Variants in EPHA2 observed in about 807,000 individuals in gnomAD.
EPHA2 encodes ephrin type-A receptor 2.
EPHA2 carries 54 observed loss-of-function variants against 104.9 expected under a neutral mutation model. The observed-to-expected ratio is 0.51, with a 90% CI of 0.41 to 0.65. The LOEUF is 0.65. EPHA2 is among the 30% of genes least tolerant of loss of function. EPHA2 has a pLI of 0.00. For synonymous variants in EPHA2, 560 were observed against 559.1 expected (o/e 1.00, Z -0.02); for missense variants, 1,117 against 1,369.5 (o/e 0.82, Z 2.91).
chr1:16,150,398 A>G lies in EPHA2; in HGVS notation c.153+498T>C, dbSNP rs989665223. On this transcript the variant is annotated intron_variant, in intron 2 of 16. Coordinates refer to ENST00000358432, the MANE Select transcript of EPHA2 (RefSeq NM_004431.5). This position sits in a 1 kb window ranked among gnomAD's most constrained non-coding sequence, Gnocchi z 4.8. ...GGGAAGACCTGGGTGAGAATGAGGC[A>G]GAGAAATGCAGCCCCCCACAGGAAG... Among the ~76,000 whole-genome samples, 1 of 152,238 alleles carries G rather than the reference A, an allele frequency of 6.6e-6. No homozygotes were observed. The highest frequency in any genetic ancestry group is 6.5e-5 in the Admixed American group (1 of 15,286).
Position 16,133,304 on chromosome 1 carries a change from C to CA in EPHA2, c.1928dup (p.Ala644GlyfsTer50). On this transcript the variant is annotated frameshift_variant, in exon 11 of 17. Coordinates refer to ENST00000358432, the MANE Select transcript of EPHA2 (RefSeq NM_004431.5). LOFTEE classifies it high-confidence loss of function. The stretch of plus-strand genomic sequence containing the variant: ...AGCCGGCTTTCAGCGTCTTGATGGC[C>CA]ACCGGCACCTCCTTCTTCCCCGAGG... The CA allele has an allele frequency of 6.2e-7, 1 of 1,613,880 alleles. No individual in the cohort carries two copies. The highest frequency in any genetic ancestry group is 8.5e-7 in the Non-Finnish European group (1 of 1,179,958).
Position 16,148,640 on chromosome 1 carries a change from G to A in EPHA2, c.561C>T (p.Ala187=). 1.2e-6 allele frequency: 2 copies of A among 1,608,718 alleles called. No individual in the cohort carries two copies. Among genetic ancestry groups the A allele is most frequent in the East Asian group, 4.5e-5 (2 of 44,894 alleles). The change falls in exon 3 of 17, where the codon GCC becomes GCT. Residue 187 remains alanine, a synonymous_variant. Coordinates refer to ENST00000358432, the MANE Select transcript of EPHA2 (RefSeq NM_004431.5). This position sits in a 1 kb window ranked among gnomAD's most constrained non-coding sequence, Gnocchi z 4.9. The part of the protein sequence containing the change: ...GFYLAFQDIG[A]CVALLSVRVY... The stretch of plus-strand genomic sequence containing the variant: ...CACGGACGGAGAGCAGCGCCACACA[G>A]GCACCGATATCCTGGAAGGCCAGGT...
At position 16,134,916 on chromosome 1, in the gene EPHA2, G is replaced by A; in HGVS notation, c.1582+120C>T. On this transcript the variant is annotated intron_variant, in intron 7 of 16. Transcript: ENST00000358432. The surrounding 1 kb of genome is among the most constrained non-coding windows in gnomAD (Gnocchi z 4.5). The stretch of plus-strand genomic sequence containing the variant: ...GGCAGTCCCCGAAGGGCTGTCCCAG[G>A]CCGCCGGTGACCGAGAAAGGGGCAT... The A allele has an allele frequency of 6.6e-7, 1 of 1,506,862 alleles. No homozygotes were observed. The highest frequency in any genetic ancestry group is 9.0e-7 in the Non-Finnish European group (1 of 1,113,072). The allele number at this position is 1,506,862 out of a possible 1,614,324, so 93.3% of individuals were successfully genotyped here.
At chr1:16,136,147 G>C (rs1331777325) in intron 5 of EPHA2, among the ~76,000 whole-genome samples, 1 of 151,910 alleles carries the variant, frequency 6.6e-6, no homozygotes, top group African/African-American at 2.4e-5. Flanking sequence ...CTGGGATTAT[G>C]GGCGTGGTCA....
At position 16,130,489 on chromosome 1, in the gene EPHA2, T is replaced by A; in HGVS notation, c.2476-70A>T. On this transcript the variant is annotated intron_variant, in intron 14 of 16. Transcript: ENST00000358432. The surrounding 1 kb of genome is among the most constrained non-coding windows in gnomAD (Gnocchi z 4.5). ...GAAACCCTCTGCAGCCTCCAGCCTA[T>A]GGAGGTGGGCAGGGGAGGGGAGGGG... The A allele has an allele frequency of 6.9e-7, 1 of 1,454,372 alleles. No individual in the cohort carries two copies. The highest frequency in any genetic ancestry group is 9.2e-7 in the Non-Finnish European group (1 of 1,089,338). 90.1% of individuals were successfully genotyped at this position (1,454,372 alleles called of 1,614,324 possible). A position where few individuals can be genotyped will look rare whatever the true frequency, so the allele number is the denominator to read the frequency against.
At chr1:16,126,518 C>T (rs1000639974) in intron 16 of EPHA2, among the ~76,000 whole-genome samples, 1 of 152,198 alleles carries the variant, frequency 6.6e-6, no homozygotes, top group Non-Finnish European at 1.5e-5. Flanking sequence ...GAGGCTGGTG[C>T]TCCCACAGCA....
At position 16,134,661 on chromosome 1, in the gene EPHA2, G is replaced by T. The variant is rs1426762781; in HGVS notation, c.1583-94C>A. 17 of 1,350,872 alleles carry T rather than the reference G, an allele frequency of 1.3e-5. No individual in the cohort carries two copies. The Admixed American group carries it at 1.9e-4, about 15-fold the overall frequency. The allele number at this position is 1,350,872 out of a possible 1,614,324, so 83.7% of individuals were successfully genotyped here. A position where few individuals can be genotyped will look rare whatever the true frequency, so the allele number is the denominator to read the frequency against. On this transcript the variant is annotated intron_variant, in intron 7 of 16. Transcript: ENST00000358432. This position sits in a 1 kb window ranked among gnomAD's most constrained non-coding sequence, Gnocchi z 4.5. ...CAAGACACCTGGGCCCCTACTGTGT[G>T]CTGGGTGCTTGCACTTGGGAAGGCT...
In EPHA2 at chr1:16,153,674, A is replaced by G. The variant is rs571355913; in HGVS notation, c.85+2174T>C. ...GGCCTCCCTCAGTTTCCCCATTTGT[A>G]AAAATGAGGGCAGATTCAGTGGCTG... On this transcript the variant is annotated intron_variant, in intron 1 of 16. Transcript: ENST00000358432. Among the ~76,000 whole-genome samples the G allele has an allele frequency of 9.8e-5, 15 of 152,328 alleles. No individual in the cohort carries two copies. The East Asian group carries it at 2.9e-3, about 29-fold the overall frequency.
At chr1:16,141,126 T>C (rs2024816530) in intron 3 of EPHA2, among the ~76,000 whole-genome samples, 2 of 152,208 alleles carry the variant, frequency 1.3e-5, no homozygotes, top group Non-Finnish European at 2.9e-5. Flanking sequence ...AGATAAGGCC[T>C]GACCCACTTC....
Position 16,124,424 on chromosome 1 carries a change from C to T in EPHA2, c.*791G>A, listed in dbSNP as rs565773014. ...ATAAAAAAAATAATAAATTAAGATT[C>T]GAAAAAAATGTCCAACAAAACAAAA... On this transcript the variant is annotated 3_prime_UTR_variant, in exon 17 of 17. Coordinates refer to ENST00000358432, the MANE Select transcript of EPHA2 (RefSeq NM_004431.5). 1.3e-5 allele frequency: 2 copies of T among 152,512 alleles called. No individual in the cohort carries two copies. The highest frequency in any genetic ancestry group is 1.9e-4 in the East Asian group (1 of 5,184). 9.4% of individuals were successfully genotyped at this position (152,512 alleles called of 1,614,324 possible).
chr1:16,131,386 C>T lies in EPHA2; in HGVS notation c.2475+335G>A, dbSNP rs1195410412. 6.6e-6 allele frequency among the ~76,000 whole-genome samples: 1 copy of T among 152,078 alleles called. No individual in the cohort carries two copies. Among genetic ancestry groups the T allele is most frequent in the Admixed American group, 6.5e-5 (1 of 15,280 alleles). On this transcript the variant is annotated intron_variant, in intron 14 of 16. Transcript: ENST00000358432. This position sits in a 1 kb window ranked among gnomAD's most constrained non-coding sequence, Gnocchi z 5.2. ...CCTGAAGCGAGGAGCTAGAGACCAG[C>T]CTGGCCAACATAGTGAAACCCCGTC...
At chr1:16,136,992 G>C (rs560058533) in intron 5 of EPHA2, among the ~76,000 whole-genome samples, 2 of 151,812 alleles carry the variant, frequency 1.3e-5, no homozygotes, top group South Asian at 4.2e-4. Flanking sequence ...TAGAGATGGG[G>C]TTTCTCCATG....
Position 16,131,742 on chromosome 1 carries a change from G to A in EPHA2, c.2454C>T (p.Tyr818=). The A allele has an allele frequency of 1.2e-6, 2 of 1,614,120 alleles. No individual in the cohort carries two copies. Among genetic ancestry groups the A allele is most frequent in the Non-Finnish European group, 1.7e-6 (2 of 1,180,032 alleles). The change falls in exon 14 of 17, where the codon TAC becomes TAT. Residue 818 remains tyrosine, a synonymous_variant. Transcript: ENST00000358432. This position sits in a 1 kb window ranked among gnomAD's most constrained non-coding sequence, Gnocchi z 5.2. The part of the protein sequence containing the change: ...WEVMTYGERP[Y]WELSNHEVMK... ...CCACCTCGTGGTTGGACAACTCCCAGTAGGGCCGCTCGCCATAGGTCATCA... is the reference window on the plus strand; with the variant it reads ...CCACCTCGTGGTTGGACAACTCCCAATAGGGCCGCTCGCCATAGGTCATCA...
intron 5 of EPHA2, among the ~76,000 whole-genome samples, chr1:16,136,737 G>GAAGAAGAAGAAA (rs2024711718): frequency 6.8e-6 from 1 of 146,628 alleles, no homozygotes; most frequent in Non-Finnish European, 1.5e-5. Context: ...AGAAGAAGAA[G>GAAGAAGAAGAAA]AAGAAGAAGA....
At position 16,134,563 on chromosome 1, in the gene EPHA2, C is replaced by A. The variant is rs374911694; in HGVS notation, c.1587G>T (p.Pro529=). Residue 529 remains proline, a synonymous_variant, in exon 8 of 17, where the codon CCG becomes CCT. Coordinates refer to ENST00000358432, the MANE Select transcript of EPHA2 (RefSeq NM_004431.5). This position sits in a 1 kb window ranked among gnomAD's most constrained non-coding sequence, Gnocchi z 4.5. ...SKVHEFQTLS[P]EGSGNLAVIG... is the part of the protein sequence containing the mutation. The stretch of plus-strand genomic sequence containing the variant: ...TCACCGCCAAGTTGCCAGATCCCTC[C>A]GGGGCTGGTGGAAGAAATCAGCTGA... 1 of 1,614,030 alleles carries A rather than the reference C, an allele frequency of 6.2e-7. No homozygotes were observed. Among genetic ancestry groups the A allele is most frequent in the East Asian group, 2.2e-5 (1 of 44,860 alleles).
At position 16,125,963 on chromosome 1, in the gene EPHA2, C is replaced by T. The variant is rs1169818197; in HGVS notation, c.2826-643G>A. ...GAAATACTTGAAGGGTTAAACTTTGCGAGTCTTCATGGGTGAGGCTTGCGG... is the reference window on the plus strand; with the variant it reads ...GAAATACTTGAAGGGTTAAACTTTGTGAGTCTTCATGGGTGAGGCTTGCGG... On this transcript the variant is annotated intron_variant, in intron 16 of 16. Coordinates refer to ENST00000358432, the MANE Select transcript of EPHA2 (RefSeq NM_004431.5). The surrounding 1 kb of genome is among the most constrained non-coding windows in gnomAD (Gnocchi z 4.9). 2.0e-5 allele frequency among the ~76,000 whole-genome samples: 3 copies of T among 152,198 alleles called. No homozygotes were observed. The highest frequency in any genetic ancestry group is 1.9e-4 in the East Asian group (1 of 5,202).
rs777036630 is a variant in EPHA2 at position 16,148,720 on chromosome 1, C to T, written c.481G>A (p.Val161Met). ...GAGCGCTCCTCCACGTTCAGCTTCA[C>T]GTGGCGTGCCTCGAAGTCGCTGCTG... ...TVSSDFEARH[V>M]KLNVEERSVG... Residue 161 changes from valine to methionine, a missense_variant, in exon 3 of 17, where the codon GTG becomes ATG. Physicochemically the swap from Val to Met is conservative, Grantham distance 21. This residue lies in a region of EPHA2 where 664 missense variants were observed against 784.8 expected (regional missense o/e 0.85). Coordinates refer to ENST00000358432, the MANE Select transcript of EPHA2 (RefSeq NM_004431.5). The surrounding 1 kb of genome is among the most constrained non-coding windows in gnomAD (Gnocchi z 4.9). The T allele has an allele frequency of 4.3e-6, 7 of 1,613,592 alleles. No homozygotes were observed. The highest frequency in any genetic ancestry group is 3.3e-5 in the Admixed American group (2 of 60,024).
rs762833283 is a variant in EPHA2 at position 16,133,319 on chromosome 1, C to A, written c.1914G>T (p.Lys638Asn). Residue 638 changes from lysine (K) to asparagine (N), a missense_variant, in exon 11 of 17, where the codon AAG becomes AAT. By Grantham distance (94) the Lys-to-Asn change is moderately conservative. This residue lies in a region of EPHA2 where 113 missense variants were observed against 104.3 expected (regional missense o/e 1.08). Coordinates refer to ENST00000358432, the MANE Select transcript of EPHA2 (RefSeq NM_004431.5). ...TCTTGATGGCCACCGGCACCTCCTT[C>A]TTCCCCGAGGATGTCTTCAGCATGC... ...YKGMLKTSSG[K>N]KEVPVAIKTL... The A allele has an allele frequency of 1.7e-5, 27 of 1,613,752 alleles. No individual in the cohort carries two copies. The highest frequency in any genetic ancestry group is 3.3e-4 in the Middle Eastern group (2 of 6,082).
intron 16 of EPHA2, among the ~76,000 whole-genome samples, chr1:16,126,601 T>C (rs2024473525): frequency 6.6e-6 from 1 of 152,172 alleles, no homozygotes; most frequent in South Asian, 2.1e-4. Flanking sequence ...TTCTAACCTA[T>C]ACAGTTGGAG....
Sources: gnomAD v4.1 joint callset for allele counts (sites outside exome capture counted in the v4.1 genomes callset) on GRCh38, gnomAD v4.1.1 for gene constraint, gnomAD v4.1.1 regional missense constraint, Gnocchi (gnomAD v3.1) non-coding constraint, MANE v1.5 for transcripts, NCBI Gene and HGNC (gene_info 2026-07-23, HGNC 2026-07-21) for gene names.